The following DDAH1 variants were observed in gnomAD, a reference collection of about 807,000 sequenced individuals.
DDAH1 encodes N(G),N(G)-dimethylarginine dimethylaminohydrolase 1.
In DDAH1, 19 loss-of-function variants were observed where a neutral mutation model predicts 28.8. The observed-to-expected ratio is 0.66, with a 90% confidence interval of 0.46 to 0.97. DDAH1 has a LOEUF of 0.97. DDAH1 is among the 50% of genes least tolerant of loss of function. The pLI, the probability that DDAH1 is intolerant of heterozygous loss-of-function variation, is 0.00. For synonymous variants in DDAH1, 153 were observed against 154.4 expected (o/e 0.99, Z 0.07); for missense variants, 326 against 375.9 (o/e 0.87, Z 1.10).
chr1:85,497,477 A>G (rs6682156), intron 1 of DDAH1, among the ~76,000 whole-genome samples: 8,297 of 152,298 alleles, frequency 0.054, 308 homozygotes, highest in African/African-American at 0.11. Context: ...ATTGGCCCCA[A>G]CTATCTTTTT....
At chr1:85,404,873 G>A (rs771215719) in intron 1 of DDAH1, among the ~76,000 whole-genome samples, 2 of 152,112 alleles carry the variant, frequency 1.3e-5, no homozygotes, top group African/African-American at 2.4e-5. Flanking sequence ...CAGTTCATGT[G>A]GACTTTCTTT....
chr1:85,501,148 G>A (rs953935566), intron 1 of DDAH1, among the ~76,000 whole-genome samples: 1 of 152,072 alleles, frequency 6.6e-6, no homozygotes, highest in Non-Finnish European at 1.5e-5. Context: ...GACATTAAAC[G>A]CTACATTATC....
intron 2 of DDAH1, among the ~76,000 whole-genome samples, chr1:85,477,092 G>A (rs1340970044): frequency 6.6e-6 from 1 of 152,148 alleles, no homozygotes; most frequent in Non-Finnish European, 1.5e-5. Context: ...TGACTTCTGA[G>A]CTGAGAATTG....
chr1:85,452,570 A>AT (rs1165778029), intron 1 of DDAH1, among the ~76,000 whole-genome samples: 1 of 152,196 alleles, frequency 6.6e-6, no homozygotes. Flanking sequence ...TACTAGAGTA[A>AT]TTTTACGATC....
At chr1:85,550,098 C>T (rs533048327) in intron 1 of DDAH1, among the ~76,000 whole-genome samples, 2 of 152,196 alleles carry the variant, frequency 1.3e-5, no homozygotes, top group South Asian at 2.1e-4. Context: ...GTCAAATTAC[C>T]GTCAATTGGA....
At chr1:85,435,479 C>G (rs1291980995) in intron 1 of DDAH1, among the ~76,000 whole-genome samples, 1 of 152,166 alleles carries the variant, frequency 6.6e-6, no homozygotes, top group East Asian at 1.9e-4. Context: ...GCAATACATA[C>G]AAAATCCCCA....
At chr1:85,513,989 A>C (rs1239474537) in intron 1 of DDAH1, among the ~76,000 whole-genome samples, 4 of 152,200 alleles carry the variant, frequency 2.6e-5, no homozygotes, top group Non-Finnish European at 4.4e-5. Context: ...TTGACCCAGC[A>C]ATCCCATTGC....
intron 1 of DDAH1, among the ~76,000 whole-genome samples, chr1:85,380,952 T>G (rs535221450): frequency 6.2e-4 from 94 of 152,234 alleles, no homozygotes; most frequent in African/African-American, 2.1e-3. Context: ...AAAGATATAT[T>G]CTAGCCGGGC....
intron 2 of DDAH1, chr1:85,493,297 G>T (rs1432714699): frequency 6.6e-6 from 1 of 152,102 alleles, no homozygotes; most frequent in African/African-American, 2.4e-5. Context: ...TTAACTGAAT[G>T]AAATGAATAA....
At chr1:85,452,181 T>C (rs906056502) in intron 1 of DDAH1, among the ~76,000 whole-genome samples, 1 of 152,172 alleles carries the variant, frequency 6.6e-6, no homozygotes, top group African/African-American at 2.4e-5. Context: ...ATTTGCTCAA[T>C]GGAAGTCAAG....
At chr1:85,404,958 G>C (rs1281615019) in intron 1 of DDAH1, among the ~76,000 whole-genome samples, 1 of 152,164 alleles carries the variant, frequency 6.6e-6, no homozygotes, top group African/African-American at 2.4e-5. Flanking sequence ...ATTTTTGCCA[G>C]ACTCTACAAT....
At chr1:85,382,991 T>C (rs545820660) in intron 1 of DDAH1, among the ~76,000 whole-genome samples, 1 of 152,310 alleles carries the variant, frequency 6.6e-6, no homozygotes, top group Admixed American at 6.5e-5. Context: ...CTGATAGAAA[T>C]GCTCAAGGGG....
chr1:85,385,687 T>A (rs61769490), intron 1 of DDAH1, among the ~76,000 whole-genome samples: 41,611 of 152,044 alleles, frequency 0.27, 5,856 homozygotes, highest in Middle Eastern at 0.31. Context: ...ACCACTTACT[T>A]ACTAGTTGTG....
At chr1:85,348,306 G>A (rs1272954715) in intron 4 of DDAH1, among the ~76,000 whole-genome samples, 1 of 152,114 alleles carries the variant, frequency 6.6e-6, no homozygotes, top group Non-Finnish European at 1.5e-5. Context: ...TTTTTTCCTA[G>A]GTCATCAGTG....
At chr1:85,502,579 T>A (rs2100741175) in intron 1 of DDAH1, among the ~76,000 whole-genome samples, 1 of 152,324 alleles carries the variant, frequency 6.6e-6, no homozygotes, top group African/African-American at 2.4e-5. Context: ...GGCTTCAGCC[T>A]GGTAAGAGGC....
chr1:85,523,515 C>T (rs1251366933), intron 1 of DDAH1, among the ~76,000 whole-genome samples: 2 of 152,080 alleles, frequency 1.3e-5, no homozygotes, highest in African/African-American at 4.8e-5. Context: ...AGAAATGGTG[C>T]CATCAAACCA....
intron 1 of DDAH1, among the ~76,000 whole-genome samples, chr1:85,449,875 C>T (rs1207515630): frequency 6.6e-6 from 1 of 152,066 alleles, no homozygotes; most frequent in African/African-American, 2.4e-5. Flanking sequence ...GAAGTCAGAG[C>T]TGGCCAGAAG....
At chr1:85,358,634 G>T in intron 2 of DDAH1, 114 bp downstream of exon 2, 1 of 788,806 alleles carries the variant, frequency 1.3e-6, no homozygotes, top group Non-Finnish European at 2.0e-6. Flanking sequence ...AGGTGACAGC[G>T]AGACTCTGTC....
intron 1 of DDAH1, among the ~76,000 whole-genome samples, chr1:85,499,918 T>C (rs1388282787): frequency 6.6e-6 from 1 of 152,198 alleles, no homozygotes; most frequent in South Asian, 2.1e-4. Flanking sequence ...TTTATGTTGA[T>C]CTGAGTTTCT....
Sources: gnomAD v4.1 joint callset for allele counts (sites outside exome capture counted in the v4.1 genomes callset) on GRCh38, gnomAD v4.1.1 for gene constraint, MANE v1.5 for transcripts, NCBI Gene and HGNC (gene_info 2026-07-23, HGNC 2026-07-21) for gene names.